The following ADGB variants were observed in gnomAD, a reference collection of about 807,000 sequenced individuals.
ADGB encodes the protein calpain-7-like protein.
In ADGB, 172 loss-of-function variants were observed where a neutral mutation model predicts 210.5. That is an observed-to-expected ratio of 0.82 (90% CI 0.72 to 0.93). ADGB has a LOEUF of 0.93. ADGB is among the 40% of genes least tolerant of loss of function. The pLI, the probability that ADGB is intolerant of heterozygous loss-of-function variation, is 0.00. For missense variants in ADGB, 2,025 were observed against 1,964.8 expected (o/e 1.03, Z -0.58); for synonymous variants, 658 against 662.7 (o/e 0.99, Z 0.11).
intron 1 of ADGB, among the ~76,000 whole-genome samples, chr6:146,628,719 G>A (rs767763449): frequency 3.3e-5 from 5 of 151,638 alleles, no homozygotes; most frequent in Non-Finnish European, 5.9e-5. Flanking sequence ...AAAATTTGTA[G>A]TTATCCTTCG....
At chr6:146,647,893 G>A (rs546538136) in intron 3 of ADGB, among the ~76,000 whole-genome samples, 2 of 151,872 alleles carry the variant, frequency 1.3e-5, no homozygotes, top group South Asian at 4.2e-4. Context: ...AATACCTTAA[G>A]AAAACCTTTC....
At chr6:146,678,735 A>G (rs1776117849) in intron 9 of ADGB, among the ~76,000 whole-genome samples, 1 of 152,206 alleles carries the variant, frequency 6.6e-6, no homozygotes, top group African/African-American at 2.4e-5. Context: ...AGATTTATAT[A>G]TATTTACATG....
intron 34 of ADGB, among the ~76,000 whole-genome samples, chr6:146,801,529 C>A (rs1277142063): frequency 6.6e-6 from 1 of 152,074 alleles, no homozygotes; most frequent in Non-Finnish European, 1.5e-5. Flanking sequence ...TGCATAAATT[C>A]AAAGGAAAAC....
intron 32 of ADGB, among the ~76,000 whole-genome samples, chr6:146,786,775 T>A (rs924696904): frequency 6.6e-6 from 1 of 152,228 alleles, no homozygotes; most frequent in African/African-American, 2.4e-5. Context: ...TGAATAGGAT[T>A]CAGTTCTTGT....
intron 7 of ADGB, among the ~76,000 whole-genome samples, chr6:146,669,751 A>G (rs1775981327): frequency 6.6e-6 from 1 of 152,090 alleles, no homozygotes; most frequent in African/African-American, 2.4e-5. Context: ...CTGTTTGACA[A>G]TGATTTTCAA....
intron 1 of ADGB, among the ~76,000 whole-genome samples, chr6:146,619,668 C>T (rs754743687): frequency 2.0e-5 from 3 of 152,046 alleles, no homozygotes; most frequent in Non-Finnish European, 4.4e-5. Flanking sequence ...TTCTCAACTT[C>T]AACATCATCC....
intron 13 of ADGB, among the ~76,000 whole-genome samples, chr6:146,712,961 A>G (rs1334799985): frequency 1.3e-5 from 2 of 152,040 alleles, no homozygotes; most frequent in African/African-American, 4.8e-5. Flanking sequence ...TGTGCCTATA[A>G]CTTTGACTAT....
rs777411306 is a variant in ADGB at position 146,664,414 on chromosome 6, A to T, written c.752+74A>T. 49 of 1,375,198 alleles carry T rather than the reference A, an allele frequency of 3.6e-5. 1 individual carries two copies. The African/African-American group carries it at 6.7e-4, about 19-fold the overall frequency. The allele number at this position is 1,375,198 out of a possible 1,614,324, so 85.2% of individuals were successfully genotyped here. A position where few individuals can be genotyped will look rare whatever the true frequency, so the allele number is the denominator to read the frequency against. ...CATTAACTATACATTTGTATTGCAT[A>T]ATTTATTTTTTTAAAATTAGCTAAA... On this transcript the variant is annotated intron_variant, in intron 6 of 35. Transcript: ENST00000397944.
intron 13 of ADGB, among the ~76,000 whole-genome samples, chr6:146,701,857 G>A (rs1229416625): frequency 6.6e-6 from 1 of 151,808 alleles, no homozygotes; most frequent in Non-Finnish European, 1.5e-5. Context: ...GGGGAGATAC[G>A]ACCACATGAA....
At chr6:146,797,536 C>T (rs751182750) in intron 33 of ADGB, among the ~76,000 whole-genome samples, 10 of 151,938 alleles carry the variant, frequency 6.6e-5, no homozygotes, top group Admixed American at 1.3e-4. Flanking sequence ...CACACACACA[C>T]GTATACATAT....
intron 33 of ADGB, among the ~76,000 whole-genome samples, chr6:146,795,158 C>T (rs536790354): frequency 9.9e-5 from 15 of 152,102 alleles, no homozygotes; most frequent in Non-Finnish European, 2.2e-4. Context: ...AAACAAACAA[C>T]TAAACAAAGA....
chr6:146,611,206 G>A (rs1780704254), intron 1 of ADGB, among the ~76,000 whole-genome samples: 1 of 151,920 alleles, frequency 6.6e-6, no homozygotes. Context: ...AGCATCTGAG[G>A]CTGTGCTGCA....
At chr6:146,773,039 A>C (rs1266774897) in intron 29 of ADGB, among the ~76,000 whole-genome samples, 1 of 152,100 alleles carries the variant, frequency 6.6e-6, no homozygotes, top group Non-Finnish European at 1.5e-5. Context: ...AGAGCACAAC[A>C]TGAGGGACAG....
In ADGB at chr6:146,626,132, C is replaced by G. The variant is rs192604391; in HGVS notation, c.75-9243C>G. Among the ~76,000 whole-genome samples the G allele has an allele frequency of 2.4e-3, 364 of 151,956 alleles. 1 individual carries two copies. The highest frequency in any genetic ancestry group is 8.0e-3 in the African/African-American group (330 of 41,482). ...AGTTTATAATACATCACTTATCACA[C>G]TCTACCCTCTTGTGATGTTATATCA... On this transcript the variant is annotated intron_variant, in intron 1 of 35. Transcript: ENST00000397944.
At chr6:146,714,406 T>C (rs1222446768) in intron 13 of ADGB, among the ~76,000 whole-genome samples, 6 of 152,132 alleles carry the variant, frequency 3.9e-5, no homozygotes, top group South Asian at 4.1e-4. Flanking sequence ...TGTCCATCCA[T>C]GAAGGTCGAG....
intron 26 of ADGB, among the ~76,000 whole-genome samples, chr6:146,746,439 C>T (rs1777239305): frequency 6.6e-6 from 1 of 152,158 alleles, no homozygotes; most frequent in Admixed American, 6.5e-5. Context: ...AATCAACCAA[C>T]TCAGCCTTCT....
chr6:146,698,745 G>A (rs1776445483), intron 12 of ADGB, among the ~76,000 whole-genome samples: 1 of 151,936 alleles, frequency 6.6e-6, no homozygotes, highest in Non-Finnish European at 1.5e-5. Flanking sequence ...AACTTTTGGG[G>A]TTTTGTTTTG....
intron 3 of ADGB, among the ~76,000 whole-genome samples, chr6:146,649,919 C>G (rs1239861454): frequency 6.6e-6 from 1 of 152,088 alleles, no homozygotes; most frequent in African/African-American, 2.4e-5. Flanking sequence ...TTAGACACAA[C>G]GAATAGCACA....
chr6:146,741,277 T>C lies in ADGB; in HGVS notation c.3177+6T>C, dbSNP rs1416047986. The C allele has an allele frequency of 6.5e-7, 1 of 1,550,174 alleles. No homozygotes were observed. Among genetic ancestry groups the C allele is most frequent in the Admixed American group, 2.0e-5 (1 of 50,866 alleles). On this transcript the variant is annotated splice_donor_region_variant and intron_variant, in intron 25 of 35. Transcript: ENST00000397944. Reference sequence around the variant, plus strand: ...ATCTTTATACCAAGAATAAGGTAGGTATAAAATTTATTCTCCACATATGAT... The same window carrying C: ...ATCTTTATACCAAGAATAAGGTAGGCATAAAATTTATTCTCCACATATGAT...
Sources: gnomAD v4.1 joint callset for allele counts (sites outside exome capture counted in the v4.1 genomes callset) on GRCh38, gnomAD v4.1.1 for gene constraint, MANE v1.5 for transcripts, NCBI Gene and HGNC (gene_info 2026-07-23, HGNC 2026-07-21) for gene names.